The following NPC1 variants were observed in gnomAD, a reference collection of about 807,000 sequenced individuals.
The protein encoded by NPC1 is NPC intracellular cholesterol transporter 1.
In NPC1, 85 loss-of-function variants were observed where a neutral mutation model predicts 140.4. The observed-to-expected ratio is 0.61, with a 90% CI of 0.51 to 0.72. NPC1 has a LOEUF of 0.72. NPC1 is among the 30% of genes least tolerant of loss of function. The pLI is 0.00. For synonymous variants in NPC1, 656 were observed against 624.8 expected, an observed-to-expected ratio of 1.05 and a Z score of -0.74; for missense variants, 1,504 against 1,623.8, an observed-to-expected ratio of 0.93 and a Z score of 1.27.
chr18:23,520,651 T>G (rs981872523), downstream of NPC1, among the ~76,000 whole-genome samples: 2 of 151,684 alleles, frequency 1.3e-5, no homozygotes, highest in Non-Finnish European at 2.9e-5. Flanking sequence ...TAAATTTATT[T>G]TTTTGACAGA....
At chr18:23,541,280 A>T (rs562194754) in intron 15 of NPC1, 26 bp downstream of exon 15, 173 of 1,614,238 alleles carry the variant, frequency 1.1e-4, no homozygotes, top group South Asian at 4.4e-5. Flanking sequence ...CAAATTAAAT[A>T]GACTATAATC....
In NPC1 at chr18:23,561,382, A is replaced by T; in HGVS notation, c.609T>A (p.Phe203Leu). The change falls in exon 5 of 25, where the codon TTT (phenylalanine) becomes TTA (leucine). Residue 203 changes from phenylalanine to leucine, a missense_variant. Physicochemically the swap from Phe to Leu is conservative, Grantham distance 22. Coordinates refer to ENST00000269228, the MANE Select transcript of NPC1 (RefSeq NM_000271.5). ...TACCTGAAAACACAGGAGTGATGGT[A>T]AAAGGTGCCTGTCCATTGTCCTTAT... ...MFNKDNGQAP[F>L]TITPVFSDFP... The T allele has an allele frequency of 6.2e-7, 1 of 1,614,050 alleles. No homozygotes were observed. Among genetic ancestry groups the T allele is most frequent in the Non-Finnish European group, 8.5e-7 (1 of 1,179,898 alleles).
At position 23,554,960 on chromosome 18, in the gene NPC1, C is replaced by T. The variant is rs781065429; in HGVS notation, c.1351G>A (p.Glu451Lys). 3.6e-5 allele frequency: 58 copies of T among 1,612,928 alleles called. No individual in the cohort carries two copies. The highest frequency in any genetic ancestry group is 3.0e-4 in the South Asian group (27 of 91,058). Residue 451 changes from glutamate to lysine, a missense_variant, in exon 9 of 25, where the codon GAA becomes AAA. Coordinates refer to ENST00000269228, the MANE Select transcript of NPC1 (RefSeq NM_000271.5). ...TTGTCATAAGAGGCAGTAATGTTTT[C>T]GATGGCTATTTGTAAGTCAAGAACC... ...HQVLDLQIAI[E>K]NITASYDNET...
At chr18:23,529,266 A>G, downstream of NPC1, 1 of 1,613,686 alleles carries the variant, frequency 6.2e-7, no homozygotes, top group Non-Finnish European at 8.5e-7. Flanking sequence ...AGATGTGTAC[A>G]CCCATGTCCT....
In NPC1 at chr18:23,532,205, G is replaced by A; in HGVS notation, c.3834C>T (p.Phe1278=). The A allele has an allele frequency of 6.2e-7, 1 of 1,614,152 alleles. No homozygotes were observed. Among genetic ancestry groups the A allele is most frequent in the South Asian group, 1.1e-5 (1 of 91,076 alleles). The change falls in exon 25 of 25, where the codon TTC becomes TTT. Residue 1278 remains phenylalanine (F), a synonymous_variant. Coordinates refer to ENST00000269228, the MANE Select transcript of NPC1 (RefSeq NM_000271.5). ...GTCAGGATGCCCTGCGAGAGGGCTA[G>A]AAATTTAGAAGCCGTTCGCGCTCTG... is the stretch of plus-strand genomic sequence containing the variant. ...KGTERERLLN[F]
intron 9 of NPC1, 67 bp from the exon 10 acceptor site, chr18:23,551,794 T>C: frequency 9.5e-7 from 1 of 1,047,984 alleles, no homozygotes; most frequent in Non-Finnish European, 1.5e-6. Flanking sequence ...CCTAAACATT[T>C]ACACAGTGAA....
At chr18:23,548,543 T>A (rs2058821939) in intron 10 of NPC1, among the ~76,000 whole-genome samples, 1 of 152,112 alleles carries the variant, frequency 6.6e-6, no homozygotes, top group Non-Finnish European at 1.5e-5. Flanking sequence ...CCCCTTTCCC[T>A]CTTAACCACA....
At chr18:23,561,058 T>C (rs910838016) in intron 5 of NPC1, among the ~76,000 whole-genome samples, 4 of 152,216 alleles carry the variant, frequency 2.6e-5, no homozygotes, top group South Asian at 2.1e-4. Context: ...CTCACCAAGG[T>C]TGGAGTACAA....
downstream of NPC1, chr18:23,529,656 A>G (rs748736739): frequency 1.2e-6 from 2 of 1,614,172 alleles, no homozygotes. Flanking sequence ...TAAATTTGTG[A>G]TAGCCGTGCT....
At chr18:23,519,053 G>C (rs552030416), downstream of NPC1, 6 of 1,612,596 alleles carry the variant, frequency 3.7e-6, no homozygotes, top group African/African-American at 8.0e-5. Flanking sequence ...TCTGTTTTTT[G>C]CTTTCTATCC....
intron 12 of NPC1, 61 bp downstream of exon 12, chr18:23,544,899 T>C (rs898021445): frequency 1.6e-6 from 2 of 1,216,086 alleles, no homozygotes; most frequent in Non-Finnish European, 2.4e-6. Context: ...GGCAAAAATA[T>C]GACGTTACAC....
At chr18:23,529,598 C>T (rs369142299), downstream of NPC1, 36 of 1,554,032 alleles carry the variant, frequency 2.3e-5, no homozygotes, top group South Asian at 6.7e-5. Flanking sequence ...TTTTGCACCT[C>T]GTTGGTATTT....
At chr18:23,572,673 A>ACAAAT (rs397828732) in intron 2 of NPC1, among the ~76,000 whole-genome samples, 4 of 151,304 alleles carry the variant, frequency 2.6e-5, no homozygotes, top group African/African-American at 9.8e-5. Context: ...ATCTCCCCAA[A>ACAAAT]TTTTTAAAAA....
At chr18:23,554,700 T>C in intron 9 of NPC1, 58 bp downstream of exon 9, 1 of 1,365,918 alleles carries the variant, frequency 7.3e-7, no homozygotes, top group South Asian at 1.2e-5. Flanking sequence ...CTTTTGCCCA[T>C]GTACCCTAAG....
intron 3 of NPC1, among the ~76,000 whole-genome samples, chr18:23,510,579 G>A (rs2057826963): frequency 1.3e-5 from 2 of 152,064 alleles, no homozygotes; most frequent in South Asian, 2.1e-4. Flanking sequence ...CCTGGAAGGC[G>A]GAGCTTGTAG....
intron 21 of NPC1, among the ~76,000 whole-genome samples, 193 bp downstream of exon 21, chr18:23,536,480 C>G (rs1214654821): frequency 3.3e-5 from 5 of 152,206 alleles, no homozygotes; most frequent in African/African-American, 1.2e-4. Context: ...GCCCTCAGGC[C>G]TTCACAGAGA....
chr18:23,537,415 A>G (rs2058648339), intron 20 of NPC1, among the ~76,000 whole-genome samples: 1 of 152,136 alleles, frequency 6.6e-6, no homozygotes, highest in Non-Finnish European at 1.5e-5. Flanking sequence ...TCTTTGGTAC[A>G]TAGCTGCTGT....
In NPC1 at chr18:23,535,631, G is replaced by A. The variant is rs2145351336; in HGVS notation, c.3315C>T (p.Ser1105=). ...TGGTCACCAGAAATATCGCGCCCAG[G>A]GACACACCGAGGTTGAAGATAGTGT... The part of the protein sequence containing the change: ...IDDTIFNLGV[S]LGAIFLVTMV... Residue 1105 remains serine, a synonymous_variant, in exon 22 of 25, where the codon TCC becomes TCT. Coordinates refer to ENST00000269228, the MANE Select transcript of NPC1 (RefSeq NM_000271.5). 1 of 1,614,016 alleles carries A rather than the reference G, an allele frequency of 6.2e-7. No homozygotes were observed. Among genetic ancestry groups the A allele is most frequent in the Non-Finnish European group, 8.5e-7 (1 of 1,179,988 alleles).
intron 24 of NPC1, 23 bp from the exon 25 acceptor site, chr18:23,532,307 C>T (rs1267043569): frequency 6.2e-7 from 1 of 1,613,894 alleles, no homozygotes; most frequent in Admixed American, 1.7e-5. Context: ...GAGACTTTTT[C>T]TTATTTCTGC....
Sources: allele counts gnomAD v4.1 joint callset (sites outside exome capture counted in the v4.1 genomes callset), GRCh38; gene constraint gnomAD v4.1.1; transcripts MANE v1.5; gene names NCBI Gene and HGNC (gene_info 2026-07-23, HGNC 2026-07-21).